The following ST6GALNAC3 variants were observed in gnomAD, a reference collection of about 807,000 sequenced individuals.
The protein encoded by ST6GALNAC3 is ST6 N-acetylgalactosaminide alpha-2,6-sialyltransferase 3, also known as alpha-N-acetylgalactosaminide alpha-2,6-sialyltransferase 3.
ST6GALNAC3 carries 25 observed loss-of-function variants against 32.7 expected under a neutral mutation model. The observed-to-expected ratio is 0.76, with a 90% CI of 0.56 to 1.07. The LOEUF (loss-of-function observed/expected upper bound fraction) is 1.07. Ranked by LOEUF, ST6GALNAC3 falls within the 50% of genes least tolerant of loss-of-function variation. The probability of loss-of-function intolerance (pLI) is 0.00; values close to 1 mark genes in which losing one functional copy is unlikely to be tolerated. For synonymous variants in ST6GALNAC3, 129 were observed against 133.1 expected (o/e 0.97, Z 0.21); for missense variants, 355 against 382.4 (o/e 0.93, Z 0.60).
intron 1 of ST6GALNAC3, among the ~76,000 whole-genome samples, chr1:76,112,836 C>T (rs572833347): frequency 2.6e-5 from 4 of 151,570 alleles, no homozygotes; most frequent in South Asian, 2.1e-4. Context: ...GGGGCAGAGA[C>T]GCTCCTCACT....
At chr1:76,472,300 T>C (rs1659081933) in intron 3 of ST6GALNAC3, among the ~76,000 whole-genome samples, 1 of 152,128 alleles carries the variant, frequency 6.6e-6, no homozygotes, top group African/African-American at 2.4e-5. Context: ...TCTCTCTTTT[T>C]TCTTTTCTGT....
chr1:76,337,063 C>T (rs1647540533), intron 2 of ST6GALNAC3, among the ~76,000 whole-genome samples: 2 of 152,324 alleles, frequency 1.3e-5, no homozygotes, highest in South Asian at 2.1e-4. Context: ...CCCAATTATT[C>T]GAATCTGCTC....
At chr1:76,148,229 G>T (rs1650813866) in intron 1 of ST6GALNAC3, among the ~76,000 whole-genome samples, 1 of 152,136 alleles carries the variant, frequency 6.6e-6, no homozygotes, top group South Asian at 2.1e-4. Context: ...TCCTCAAGAG[G>T]CTATTAACGA....
At chr1:76,474,996 A>G (rs1398896306) in intron 3 of ST6GALNAC3, among the ~76,000 whole-genome samples, 1 of 152,170 alleles carries the variant, frequency 6.6e-6, no homozygotes, top group Non-Finnish European at 1.5e-5. Context: ...TTAAATCACA[A>G]TGGAAGGATA....
intron 2 of ST6GALNAC3, among the ~76,000 whole-genome samples, chr1:76,392,333 T>C (rs1652632715): frequency 6.6e-6 from 1 of 152,158 alleles, no homozygotes; most frequent in South Asian, 2.1e-4. Flanking sequence ...TCCAACAACA[T>C]TCAAATTCAA....
chr1:76,458,562 A>G (rs1336534439), intron 3 of ST6GALNAC3, among the ~76,000 whole-genome samples: 1 of 148,234 alleles, frequency 6.7e-6, no homozygotes, highest in Non-Finnish European at 1.5e-5. Context: ...GCCATAAAAA[A>G]TGATGAATTC....
intron 1 of ST6GALNAC3, among the ~76,000 whole-genome samples, chr1:76,089,767 C>T (rs1260829701): frequency 6.6e-6 from 1 of 152,164 alleles, no homozygotes; most frequent in Non-Finnish European, 1.5e-5. Flanking sequence ...GGTGGTCCTT[C>T]CCTCAGAGTC....
At chr1:76,596,856 C>T (rs1295838612) in intron 3 of ST6GALNAC3, among the ~76,000 whole-genome samples, 1 of 152,170 alleles carries the variant, frequency 6.6e-6, no homozygotes, top group Non-Finnish European at 1.5e-5. Flanking sequence ...TAGTTAGTCT[C>T]TTTAGACCTG....
chr1:76,300,547 T>C (rs1015894349), intron 1 of ST6GALNAC3, among the ~76,000 whole-genome samples: 3 of 152,002 alleles, frequency 2.0e-5, no homozygotes, highest in African/African-American at 7.2e-5. Flanking sequence ...TATCTAGATA[T>C]AGCCTCTGTC....
intron 3 of ST6GALNAC3, among the ~76,000 whole-genome samples, chr1:76,488,442 C>T (rs1325772451): frequency 6.6e-6 from 1 of 152,170 alleles, no homozygotes; most frequent in African/African-American, 2.4e-5. Context: ...AAACACTTCT[C>T]TTTATAAATT....
chr1:76,305,685 CT>C (rs1287797555), intron 1 of ST6GALNAC3, among the ~76,000 whole-genome samples: 1 of 152,040 alleles, frequency 6.6e-6, no homozygotes, highest in Non-Finnish European at 1.5e-5. Context: ...TCAGATCGGC[CT>C]TTTTTCTCTT....
chr1:76,078,130 C>T (rs889259246), intron 1 of ST6GALNAC3, among the ~76,000 whole-genome samples: 5 of 152,250 alleles, frequency 3.3e-5, no homozygotes, highest in African/African-American at 4.8e-5. Flanking sequence ...TGACGGAGCT[C>T]GTGTTTTAGA....
chr1:76,279,748 C>T (rs1659389741), intron 1 of ST6GALNAC3, among the ~76,000 whole-genome samples: 1 of 152,178 alleles, frequency 6.6e-6, no homozygotes, highest in Admixed American at 6.5e-5. Flanking sequence ...GACTCCTATA[C>T]CAGGCACACT....
intron 1 of ST6GALNAC3, among the ~76,000 whole-genome samples, chr1:76,107,274 G>A (rs1317681248): frequency 6.8e-6 from 1 of 147,042 alleles, no homozygotes; most frequent in Non-Finnish European, 1.5e-5. Flanking sequence ...AATCAGACAT[G>A]TTATTCTTTA....
intron 2 of ST6GALNAC3, among the ~76,000 whole-genome samples, chr1:76,397,093 A>G (rs1194504000): frequency 6.6e-6 from 1 of 152,164 alleles, no homozygotes; most frequent in South Asian, 2.1e-4. Flanking sequence ...ATAATTATTC[A>G]AACGAGAAAG....
At chr1:76,173,559 T>C (rs1190051966) in intron 1 of ST6GALNAC3, among the ~76,000 whole-genome samples, 1 of 152,186 alleles carries the variant, frequency 6.6e-6, no homozygotes, top group Non-Finnish European at 1.5e-5. Flanking sequence ...ACCTACAGAA[T>C]GGTAGAACAT....
intron 1 of ST6GALNAC3, among the ~76,000 whole-genome samples, chr1:76,128,586 A>G (rs1275001063): frequency 6.6e-6 from 1 of 152,214 alleles, no homozygotes; most frequent in Non-Finnish European, 1.5e-5. Context: ...CCAGACCTTC[A>G]TCAAGATGCC....
chr1:76,250,735 A>G (rs930451620), intron 1 of ST6GALNAC3, among the ~76,000 whole-genome samples: 8 of 152,180 alleles, frequency 5.3e-5, no homozygotes, highest in Non-Finnish European at 2.9e-5. Context: ...GAAGCATACA[A>G]GTGAGGTCTG....
At chr1:76,119,982 C>G (rs577817871) in intron 1 of ST6GALNAC3, among the ~76,000 whole-genome samples, 1 of 152,244 alleles carries the variant, frequency 6.6e-6, no homozygotes, top group Non-Finnish European at 1.5e-5. Flanking sequence ...TTGTATTCCA[C>G]TCTACCCGGA....
Sources: gnomAD v4.1 joint callset for allele counts (sites outside exome capture counted in the v4.1 genomes callset) on GRCh38, gnomAD v4.1.1 for gene constraint, MANE v1.5 for transcripts, NCBI Gene and HGNC (gene_info 2026-07-23, HGNC 2026-07-21) for gene names.